The following DIAPH2 variants were observed in gnomAD, a reference collection of about 807,000 sequenced individuals.
DIAPH2 encodes diaphanous related formin 2, also known as protein diaphanous homolog 2.
In DIAPH2, 35 loss-of-function variants were observed where a neutral mutation model predicts 92.7. The observed-to-expected ratio is 0.38, with a 90% CI of 0.29 to 0.50. DIAPH2 has a LOEUF of 0.50. Ranked by LOEUF, DIAPH2 falls within the 20% of genes least tolerant of loss-of-function variation. The pLI, the probability that DIAPH2 is intolerant of heterozygous loss-of-function variation, is 0.94. For missense variants in DIAPH2, 701 were observed against 819.5 expected, an observed-to-expected ratio of 0.86 and a Z score of 1.77; for synonymous variants, 301 against 280.4, an observed-to-expected ratio of 1.07 and a Z score of -0.73.
chrX:97,530,508 A>T (rs1287268967), intron 26 of DIAPH2, among the ~76,000 whole-genome samples: 1 of 111,441 alleles, frequency 9.0e-6, no homozygotes, highest in Non-Finnish European at 1.9e-5. Context: ...GATTAAGGTG[A>T]TCTACCTCTA....
At chrX:97,396,341 C>T (rs1225254680) in intron 25 of DIAPH2, among the ~76,000 whole-genome samples, 3 of 110,938 alleles carry the variant, frequency 2.7e-5, no homozygotes, top group South Asian at 3.9e-4. Flanking sequence ...ATTGAATTCC[C>T]GAGCCCCTGG....
intron 25 of DIAPH2, among the ~76,000 whole-genome samples, chrX:97,411,843 G>A (rs1037896709): frequency 2.7e-5 from 3 of 111,988 alleles, no homozygotes; most frequent in African/African-American, 9.7e-5. Flanking sequence ...AATTCAACAA[G>A]AAGAGCTGAC....
At position 96,919,472 on chromosome X, in the gene DIAPH2, G is replaced by A. The variant is rs191511600; in HGVS notation, c.978+855G>A. On this transcript the variant is annotated intron_variant, in intron 9 of 26. Transcript: ENST00000324765. ...CAATGCATACCATTTAATGTACCAT[G>A]GAAAATTCTCTGAATTTTTTTTTAG... 5.9e-3 allele frequency among the ~76,000 whole-genome samples: 656 copies of A among 111,087 alleles called. 11 individuals carry two copies. The highest frequency in any genetic ancestry group is 0.02 in the African/African-American group (621 of 30,564).
Position 96,836,687 on chromosome X carries a change from A to G in DIAPH2, c.448-44892A>G, listed in dbSNP as rs1244817534. Among the ~76,000 whole-genome samples the G allele has an allele frequency of 1.3e-3, 24 of 18,610 alleles. No homozygotes were observed. In the East Asian group the frequency reaches 0.016, roughly 13 times the overall value. 16.2% of individuals were successfully genotyped at this position (18,610 alleles called of 115,157 possible). ...AATTTCATTTTAAAGCAGTACAGGT[A>G]TATATATATATATATATATATATAT... On this transcript the variant is annotated intron_variant, in intron 4 of 26. Coordinates refer to ENST00000324765, the MANE Select transcript of DIAPH2 (RefSeq NM_006729.5).
chrX:97,531,254 C>T (rs1448729071), intron 26 of DIAPH2, among the ~76,000 whole-genome samples: 2 of 111,233 alleles, frequency 1.8e-5, no homozygotes, highest in Non-Finnish European at 3.8e-5. Flanking sequence ...TTCTTCCAGT[C>T]GTTTTCCATT....
At chrX:97,469,638 GT>G in intron 26 of DIAPH2, 6 of 1,107,377 alleles carry the variant, frequency 5.4e-6, no homozygotes, top group Non-Finnish European at 3.7e-6. Flanking sequence ...GGTGCATTAT[GT>G]TTTTTTATTT....
intron 24 of DIAPH2, among the ~76,000 whole-genome samples, chrX:97,349,157 C>A (rs182912030): frequency 9.5e-6 from 1 of 104,938 alleles, no homozygotes; most frequent in African/African-American, 3.5e-5. Context: ...GGCGTGATCT[C>A]GGCTCACTGC....
At chrX:96,994,443 A>G (rs910282453) in intron 17 of DIAPH2, among the ~76,000 whole-genome samples, 3 of 111,910 alleles carry the variant, frequency 2.7e-5, no homozygotes, top group African/African-American at 9.8e-5. Context: ...TTAAGTGGCT[A>G]TAGGCTACTG....
intron 23 of DIAPH2, among the ~76,000 whole-genome samples, chrX:97,324,015 C>T (rs1219974682): frequency 9.0e-6 from 1 of 111,052 alleles, no homozygotes; most frequent in South Asian, 3.8e-4. Flanking sequence ...TTTGTGTACT[C>T]AGTATTTAGA....
intron 4 of DIAPH2, among the ~76,000 whole-genome samples, chrX:96,774,428 A>G (rs2064361795): frequency 8.9e-6 from 1 of 111,988 alleles, no homozygotes; most frequent in Admixed American, 9.5e-5. Context: ...AACCTTGCCC[A>G]TGGAAAAGCT....
At chrX:97,299,555 A>G (rs1290700045) in intron 23 of DIAPH2, among the ~76,000 whole-genome samples, 1 of 112,206 alleles carries the variant, frequency 8.9e-6, no homozygotes, top group Non-Finnish European at 1.9e-5. Flanking sequence ...CGAGATTCAG[A>G]TGATTTGCCC....
intron 23 of DIAPH2, among the ~76,000 whole-genome samples, chrX:97,315,358 G>A (rs947032655): frequency 8.9e-6 from 1 of 111,856 alleles, no homozygotes; most frequent in African/African-American, 3.2e-5. Context: ...AGTAATATAA[G>A]GCATGATATG....
At chrX:97,082,882 A>G (rs1291790576) in intron 19 of DIAPH2, among the ~76,000 whole-genome samples, 1 of 111,711 alleles carries the variant, frequency 9.0e-6, no homozygotes, top group East Asian at 2.8e-4. Flanking sequence ...ATAGAGAACA[A>G]TCATGATTTC....
chrX:96,884,670 A>G, intron 5 of DIAPH2: 1 of 1,210,677 alleles, frequency 8.3e-7, no homozygotes, highest in Non-Finnish European at 1.1e-6. Flanking sequence ...CTCCATTGTC[A>G]GTCGGAGTAT....
chrX:96,962,356 T>C (rs375839846), intron 16 of DIAPH2, among the ~76,000 whole-genome samples: 11 of 55,335 alleles, frequency 2.0e-4, no homozygotes, highest in East Asian at 1.4e-3. Flanking sequence ...TATATACACA[T>C]ATATATATAC....
At chrX:97,385,511 G>A (rs1187859027) in intron 25 of DIAPH2, among the ~76,000 whole-genome samples, 2 of 111,545 alleles carry the variant, frequency 1.8e-5, no homozygotes, top group Admixed American at 9.6e-5. Context: ...GATTACAAGC[G>A]TGAGCCACTG....
At chrX:96,743,775 GATCT>G (rs994452830) in intron 3 of DIAPH2, among the ~76,000 whole-genome samples, 1 of 111,255 alleles carries the variant, frequency 9.0e-6, no homozygotes, top group African/African-American at 3.3e-5. Flanking sequence ...AACTTCAAGA[GATCT>G]ATTATACAAC....
chrX:96,755,431 A>G (rs1401655363), intron 3 of DIAPH2, among the ~76,000 whole-genome samples: 1 of 111,280 alleles, frequency 9.0e-6, no homozygotes, highest in Non-Finnish European at 1.9e-5. Flanking sequence ...AGGTGGGTGG[A>G]TCATGAGATC....
chrX:97,185,409 ATG>A (rs2067582692), intron 22 of DIAPH2, among the ~76,000 whole-genome samples: 7 of 36,060 alleles, frequency 1.9e-4, no homozygotes, highest in African/African-American at 9.1e-4. Flanking sequence ...ATATATATAT[ATG>A]TATATATATA....
Sources: gnomAD v4.1 joint callset for allele counts (sites outside exome capture counted in the v4.1 genomes callset) on GRCh38, gnomAD v4.1.1 for gene constraint, MANE v1.5 for transcripts, NCBI Gene and HGNC (gene_info 2026-07-23, HGNC 2026-07-21) for gene names.